JAM3: variants seen among roughly 807,000 people sequenced by gnomAD.
The protein encoded by JAM3 is junctional adhesion molecule C.
Under a neutral mutation model 39.4 loss-of-function variants are expected in JAM3, and 31 were observed. That is an observed-to-expected ratio of 0.79 (90% CI 0.59 to 1.06). The LOEUF (loss-of-function observed/expected upper bound fraction) is 1.06, where lower values mean the gene tolerates loss of function less well. JAM3 is among the 50% of genes least tolerant of loss of function. JAM3 has a pLI of 0.00. For synonymous variants in JAM3, 182 were observed against 148.7 expected (o/e 1.22, Z -1.63); for missense variants, 455 against 391.4 (o/e 1.16, Z -1.37).
intron 1 of JAM3, among the ~76,000 whole-genome samples, chr11:134,095,894 C>A (rs148096153): frequency 6.6e-5 from 10 of 152,290 alleles, no homozygotes; most frequent in African/African-American, 2.4e-4. Flanking sequence ...CCTTGACTTG[C>A]AAACACTCAG....
chr11:134,112,448 G>A (rs958005219), intron 1 of JAM3, among the ~76,000 whole-genome samples: 1 of 152,118 alleles, frequency 6.6e-6, no homozygotes, highest in African/African-American at 2.4e-5. Flanking sequence ...CAGGTTTCAA[G>A]TCACTCTATC....
Position 134,151,523 on chromosome 11 carries a change from A to G in JAM3, c.*2342A>G, listed in dbSNP as rs1943234505. ...ATGGGAACCAGGTCTGAAAAAGTAG[A>G]GAGAAGTGAAAGTAGAGTCTGGGAA... On this transcript the variant is annotated 3_prime_UTR_variant, in exon 9 of 9. Coordinates refer to ENST00000299106, the MANE Select transcript of JAM3 (RefSeq NM_032801.5). The G allele has an allele frequency of 6.6e-6, 1 of 152,254 alleles. No individual in the cohort carries two copies. The highest frequency in any genetic ancestry group is 2.4e-5 in the African/African-American group (1 of 41,464). 9.4% of individuals were successfully genotyped at this position (152,254 alleles called of 1,614,324 possible). A position where few individuals can be genotyped will look rare whatever the true frequency, so the allele number is the denominator to read the frequency against.
chr11:134,108,993 AT>A (rs1942257300), intron 1 of JAM3, among the ~76,000 whole-genome samples: 1 of 152,118 alleles, frequency 6.6e-6, no homozygotes, highest in Non-Finnish European at 1.5e-5. Context: ...GTCTCATTCT[AT>A]CTCCCGGGCT....
At chr11:134,137,002 A>G (rs1213700501) in intron 1 of JAM3, among the ~76,000 whole-genome samples, 2 of 152,080 alleles carry the variant, frequency 1.3e-5, no homozygotes, top group Non-Finnish European at 2.9e-5. Context: ...AGTCCCAGCT[A>G]CTTGGGAGGC....
rs115525489 is a variant in JAM3, at chr11:134,125,418, C to T, written c.77-14433C>T. On this transcript the variant is annotated intron_variant, in intron 1 of 8. Transcript: ENST00000299106. ...AAGGTCTGATTCATGTTTTCCTTTTCGTACAGATCCTCTTCCCACTTTATT... is the reference window on the plus strand; with the variant it reads ...AAGGTCTGATTCATGTTTTCCTTTTTGTACAGATCCTCTTCCCACTTTATT... Among the ~76,000 whole-genome samples the T allele has an allele frequency of 4.8e-3, 729 of 152,292 alleles. 6 individuals are homozygous for T. The highest frequency in any genetic ancestry group is 0.016 in the African/African-American group (667 of 41,570).
chr11:134,077,377 T>C (rs1029483569), intron 1 of JAM3, among the ~76,000 whole-genome samples: 1 of 150,194 alleles, frequency 6.7e-6, no homozygotes, highest in Non-Finnish European at 1.5e-5. Flanking sequence ...TTTTTTTTTT[T>C]CTTGAGACAG....
intron 1 of JAM3, among the ~76,000 whole-genome samples, chr11:134,070,625 C>T (rs1052960070): frequency 6.6e-6 from 1 of 152,194 alleles, no homozygotes; most frequent in Non-Finnish European, 1.5e-5. Flanking sequence ...GTCCAGCACC[C>T]GCTGTGTTGG....
At chr11:134,125,765 A>T (rs1942637036) in intron 1 of JAM3, among the ~76,000 whole-genome samples, 1 of 152,204 alleles carries the variant, frequency 6.6e-6, no homozygotes, top group East Asian at 1.9e-4. Context: ...CTCATCCTGT[A>T]GCTCCTTCCT....
At chr11:134,146,578 CAAAA>C (rs1943076083) in intron 6 of JAM3, among the ~76,000 whole-genome samples, 1 of 150,954 alleles carries the variant, frequency 6.6e-6, no homozygotes, top group African/African-American at 2.4e-5. Context: ...AAACAAAAAA[CAAAA>C]AACACCACAG....
chr11:134,121,932 C>T (rs71486988), intron 1 of JAM3, among the ~76,000 whole-genome samples: 11,809 of 152,216 alleles, frequency 0.078, 593 homozygotes, highest in Admixed American at 0.11. Context: ...GGAGTCAACA[C>T]TGTCTACCTT....
intron 1 of JAM3, among the ~76,000 whole-genome samples, chr11:134,116,338 ATTC>A (rs1328461243): frequency 6.6e-6 from 1 of 152,164 alleles, no homozygotes; most frequent in Non-Finnish European, 1.5e-5. Context: ...TATTTCCCTT[ATTC>A]TTTCTACATT....
chr11:134,145,862 C>A, intron 5 of JAM3, 84 bp from the exon 6 acceptor site: 1 of 887,744 alleles, frequency 1.1e-6, no homozygotes, highest in Non-Finnish European at 1.9e-6. Context: ...CAGGTGTCGA[C>A]CTAGTTCTGG....
chr11:134,111,914 A>G (rs934203023), intron 1 of JAM3, among the ~76,000 whole-genome samples: 1 of 152,220 alleles, frequency 6.6e-6, no homozygotes, highest in Non-Finnish European at 1.5e-5. Flanking sequence ...CACAGGATCC[A>G]AACACCTCAG....
At chr11:134,107,706 T>A (rs1013254565) in intron 1 of JAM3, among the ~76,000 whole-genome samples, 1 of 151,834 alleles carries the variant, frequency 6.6e-6, no homozygotes, top group Non-Finnish European at 1.5e-5. Flanking sequence ...CTACAAAAAA[T>A]TTAAAAATGA....
intron 1 of JAM3, among the ~76,000 whole-genome samples, chr11:134,092,557 A>G (rs1254471040): frequency 1.3e-5 from 2 of 149,536 alleles, no homozygotes; most frequent in African/African-American, 5.0e-5. Context: ...CTTATTCATC[A>G]TTTTCCATCT....
intron 1 of JAM3, among the ~76,000 whole-genome samples, chr11:134,119,811 C>T (rs529123702): frequency 6.6e-6 from 1 of 152,294 alleles, no homozygotes; most frequent in Non-Finnish European, 1.5e-5. Flanking sequence ...ACCCTCACAG[C>T]TAGGTTTATT....
intron 1 of JAM3, among the ~76,000 whole-genome samples, chr11:134,090,263 C>G (rs1229441494): frequency 6.6e-6 from 1 of 152,196 alleles, no homozygotes; most frequent in Non-Finnish European, 1.5e-5. Context: ...GTTGCCTGTT[C>G]ACTGTGATGG....
intron 1 of JAM3, among the ~76,000 whole-genome samples, chr11:134,098,904 T>C (rs551765909): frequency 5.1e-4 from 78 of 152,204 alleles, no homozygotes; most frequent in African/African-American, 1.7e-3. Flanking sequence ...AGCCTTCATT[T>C]AAATGCAACT....
At chr11:134,130,404 T>C (rs1222732742) in intron 1 of JAM3, among the ~76,000 whole-genome samples, 1 of 152,070 alleles carries the variant, frequency 6.6e-6, no homozygotes, top group East Asian at 1.9e-4. Context: ...TTCTTAGGTA[T>C]TATGGTTGGG....
Sources: gnomAD v4.1 joint callset for allele counts (sites outside exome capture counted in the v4.1 genomes callset) on GRCh38, gnomAD v4.1.1 for gene constraint, MANE v1.5 for transcripts, NCBI Gene and HGNC (gene_info 2026-07-23, HGNC 2026-07-21) for gene names.